C1QTNF7: variants seen among roughly 807,000 people sequenced by gnomAD.
C1QTNF7 encodes the protein complement C1q tumor necrosis factor-related protein 7.
Under a neutral mutation model 19.6 loss-of-function variants are expected in C1QTNF7, and 15 were observed. The ratio of observed to expected loss-of-function variants is 0.76; its 90% CI spans 0.51 to 1.18. C1QTNF7 has a LOEUF of 1.18. Ranked by LOEUF, C1QTNF7 falls within the 50% of genes most tolerant of loss-of-function variation. C1QTNF7 has a pLI of 0.00. For missense variants in C1QTNF7, 324 were observed against 359.7 expected, an observed-to-expected ratio of 0.90 and a Z score of 0.80; for synonymous variants, 142 against 137.5, an observed-to-expected ratio of 1.03 and a Z score of -0.23.
At chr4:15,377,714 G>T (rs1278315755) in intron 1 of C1QTNF7, among the ~76,000 whole-genome samples, 1 of 152,134 alleles carries the variant, frequency 6.6e-6, no homozygotes, top group East Asian at 1.9e-4. Flanking sequence ...ATTGAACACT[G>T]AAAATCATTT....
intron 1 of C1QTNF7, among the ~76,000 whole-genome samples, chr4:15,379,367 G>A (rs1231276740): frequency 6.6e-6 from 1 of 152,150 alleles, no homozygotes; most frequent in Non-Finnish European, 1.5e-5. Flanking sequence ...GGGGAAAAAA[G>A]AACTGCTTTC....
At chr4:15,398,073 G>C (rs1216415909) in intron 1 of C1QTNF7, among the ~76,000 whole-genome samples, 1 of 152,108 alleles carries the variant, frequency 6.6e-6, no homozygotes, top group East Asian at 1.9e-4. Flanking sequence ...CATTAATCTA[G>C]TTTTTCATTC....
chr4:15,416,103 ATATT>A (rs1719596600), intron 1 of C1QTNF7, among the ~76,000 whole-genome samples: 1 of 152,342 alleles, frequency 6.6e-6, no homozygotes, highest in Non-Finnish European at 1.5e-5. Context: ...CTCTATGTAT[ATATT>A]TGCCATATAA....
intron 1 of C1QTNF7, among the ~76,000 whole-genome samples, chr4:15,381,261 C>CA (rs1352278807): frequency 1.3e-5 from 2 of 149,888 alleles, no homozygotes; most frequent in African/African-American, 4.9e-5. Flanking sequence ...ACCAAAAATA[C>CA]AAAAAATTAG....
At position 15,444,479 on chromosome 4, in the gene C1QTNF7, A is replaced by G. The variant is rs1298539361; in HGVS notation, c.*1680A>G. On this transcript the variant is annotated 3_prime_UTR_variant, in exon 3 of 3. Coordinates refer to ENST00000444304, the MANE Select transcript of C1QTNF7 (RefSeq NM_031911.5). ...GATGGTGCGGCGGCTGGCCAGAGGC[A>G]CTCTTCACTTCCCAGACAGAGGGGC... The G allele has an allele frequency of 1.3e-5, 2 of 152,048 alleles. No homozygotes were observed. Among genetic ancestry groups the G allele is most frequent in the African/African-American group, 4.8e-5 (2 of 41,354 alleles). The allele number at this position is 152,048 out of a possible 1,614,324, so 9.4% of individuals were successfully genotyped here.
intron 1 of C1QTNF7, among the ~76,000 whole-genome samples, chr4:15,343,485 A>G (rs554481999): frequency 6.6e-6 from 1 of 152,092 alleles, no homozygotes; most frequent in East Asian, 1.9e-4. Context: ...GAAAAGTGTC[A>G]GCAAAGCAAA....
upstream of C1QTNF7, among the ~76,000 whole-genome samples, chr4:15,426,277 A>G (rs1384677483): frequency 6.6e-6 from 1 of 152,196 alleles, no homozygotes; most frequent in Non-Finnish European, 1.5e-5. Context: ...TTCCTTAAGC[A>G]TATTTTTCTA....
chr4:15,353,674 G>A (rs192805951), intron 1 of C1QTNF7, among the ~76,000 whole-genome samples: 4 of 151,966 alleles, frequency 2.6e-5, no homozygotes, highest in East Asian at 1.9e-4. Flanking sequence ...ACCAGGGAGC[G>A]GGACAACTAA....
At chr4:15,372,947 A>T (rs1717786248) in intron 1 of C1QTNF7, among the ~76,000 whole-genome samples, 1 of 152,210 alleles carries the variant, frequency 6.6e-6, no homozygotes, top group South Asian at 2.1e-4. Context: ...AAAAAAAGTC[A>T]AGGCAGAACC....
chr4:15,351,613 T>C (rs1247083802), intron 1 of C1QTNF7, among the ~76,000 whole-genome samples: 1 of 152,210 alleles, frequency 6.6e-6, no homozygotes, highest in Non-Finnish European at 1.5e-5. Flanking sequence ...CGCCCGAGAC[T>C]AGTACATCAG....
At chr4:15,351,473 G>T (rs755500280) in intron 1 of C1QTNF7, among the ~76,000 whole-genome samples, 2 of 152,118 alleles carry the variant, frequency 1.3e-5, no homozygotes, top group Non-Finnish European at 2.9e-5. Context: ...TTCAAAAGAA[G>T]CATTTGGCAA....
intron 1 of C1QTNF7, among the ~76,000 whole-genome samples, chr4:15,342,349 C>T (rs967287830): frequency 2.0e-5 from 3 of 152,152 alleles, no homozygotes; most frequent in Non-Finnish European, 4.4e-5. Context: ...CCTGAAATGC[C>T]CCAAGGTTAG....
intron 1 of C1QTNF7, among the ~76,000 whole-genome samples, chr4:15,377,329 T>C (rs1279926655): frequency 6.6e-6 from 1 of 152,196 alleles, no homozygotes; most frequent in Non-Finnish European, 1.5e-5. Flanking sequence ...CCGTGCTTTC[T>C]TCAACTTTTG....
In C1QTNF7 at chr4:15,442,893, C is replaced by A; in HGVS notation, c.*94C>A. 7.7e-7 allele frequency: 1 copy of A among 1,296,324 alleles called. No individual in the cohort carries two copies. The highest frequency in any genetic ancestry group is 1.0e-6 in the Non-Finnish European group (1 of 955,338). The allele number at this position is 1,296,324 out of a possible 1,614,324, so 80.3% of individuals were successfully genotyped here. A position where few individuals can be genotyped will look rare whatever the true frequency, so the allele number is the denominator to read the frequency against. On this transcript the variant is annotated 3_prime_UTR_variant, in exon 3 of 3. Coordinates refer to ENST00000444304, the MANE Select transcript of C1QTNF7 (RefSeq NM_031911.5). Reference sequence around the variant, plus strand: ...AATGGGATCCAAAGAGACTCCCACTCAGATTCTAAAGCATTTAAAGACAAT... The same window carrying A: ...AATGGGATCCAAAGAGACTCCCACTAAGATTCTAAAGCATTTAAAGACAAT...
chr4:15,353,870 A>G (rs1717025514), intron 1 of C1QTNF7, among the ~76,000 whole-genome samples: 1 of 152,164 alleles, frequency 6.6e-6, no homozygotes, highest in African/African-American at 2.4e-5. Flanking sequence ...AAATTAATGA[A>G]CTTATGAATC....
chr4:15,355,000 T>C, intron 1 of C1QTNF7, among the ~76,000 whole-genome samples: 1 of 152,154 alleles, frequency 6.6e-6, no homozygotes, highest in Admixed American at 6.5e-5. Context: ...GGGGGATTAA[T>C]GGGTCCATGC....
At chr4:15,398,139 CTG>C (rs1357296551) in intron 1 of C1QTNF7, among the ~76,000 whole-genome samples, 1 of 152,188 alleles carries the variant, frequency 6.6e-6, no homozygotes, top group East Asian at 1.9e-4. Flanking sequence ...GCGTCAGTTG[CTG>C]TGTTTGGCTC....
Position 15,348,237 on chromosome 4 carries a change from T to A in C1QTNF7, c.13+8030T>A, listed in dbSNP as rs529416737. Among the ~76,000 whole-genome samples the A allele has an allele frequency of 2.9e-4, 44 of 152,216 alleles. No individual in the cohort carries two copies. In the South Asian group the frequency reaches 9.1e-3, roughly 32 times the overall value. On this transcript the variant is annotated intron_variant, in intron 1 of 2. Transcript: ENST00000295297. Reference sequence around the variant, plus strand: ...AAAAACACACTAAGTACTTAGTGAATGGAGTTGCATGTGGGTGTAAACATG... The same window carrying A: ...AAAAACACACTAAGTACTTAGTGAAAGGAGTTGCATGTGGGTGTAAACATG...
At chr4:15,355,383 A>G (rs952727730) in intron 1 of C1QTNF7, among the ~76,000 whole-genome samples, 1 of 152,158 alleles carries the variant, frequency 6.6e-6, no homozygotes, top group African/African-American at 2.4e-5. Flanking sequence ...CAATTTTTAA[A>G]TAATAGAAAC....
Sources: gnomAD v4.1 joint callset for allele counts (sites outside exome capture counted in the v4.1 genomes callset) on GRCh38, gnomAD v4.1.1 for gene constraint, MANE v1.5 for transcripts, NCBI Gene and HGNC (gene_info 2026-07-23, HGNC 2026-07-21) for gene names.